CYP19A1: variants seen among roughly 807,000 people sequenced by gnomAD.
CYP19A1 encodes the protein aromatase.
A neutral mutation model predicts 44.4 loss-of-function variants in CYP19A1; 32 were observed. That is an observed-to-expected ratio of 0.72 (90% CI 0.54 to 0.97). CYP19A1 has a LOEUF of 0.97. Ranked by LOEUF, CYP19A1 falls within the 50% of genes least tolerant of loss-of-function variation. The probability of loss-of-function intolerance (pLI) is 0.00; values close to 1 mark genes in which losing one functional copy is unlikely to be tolerated. For missense variants in CYP19A1, 598 were observed against 637.8 expected, an observed-to-expected ratio of 0.94 and a Z score of 0.67; for synonymous variants, 212 against 215.6, an observed-to-expected ratio of 0.98 and a Z score of 0.14.
chr15:51,255,454 A>G (rs1330285695), intron 1 of CYP19A1: 1 of 152,226 alleles, frequency 6.6e-6, no homozygotes, highest in Non-Finnish European at 1.5e-5. Context: ...TAAAGTAATT[A>G]AAAGGAATCT....
chr15:51,309,156 T>G (rs1215962335), intron 1 of CYP19A1, among the ~76,000 whole-genome samples: 1 of 152,144 alleles, frequency 6.6e-6, no homozygotes, highest in Non-Finnish European at 1.5e-5. Flanking sequence ...GTCATGAGGG[T>G]GGAGCCCACA....
chr15:51,314,165 A>G lies in CYP19A1; in HGVS notation c.-39+24330T>C, dbSNP rs556325054. On this transcript the variant is annotated intron_variant, in intron 1 of 9. Transcript: ENST00000396402. ...CTAAGTCTTCCACGGCCTTGGATTC[A>G]TGTAGTCTCCCTGATGGGTTTGCTG... 3.3e-5 allele frequency: 5 copies of G among 152,100 alleles called. No individual in the cohort carries two copies. In the East Asian group the frequency reaches 7.9e-4, roughly 24 times the overall value. The allele number at this position is 152,100 out of a possible 1,614,324, so 9.4% of individuals were successfully genotyped here.
At chr15:51,244,550 T>C (rs1452165710) in intron 1 of CYP19A1, among the ~76,000 whole-genome samples, 2 of 152,204 alleles carry the variant, frequency 1.3e-5, no homozygotes, top group African/African-American at 4.8e-5. Context: ...TGACAAGCTA[T>C]TTTTAACAGG....
rs2036676804 is a variant in CYP19A1 at position 51,330,134 on chromosome 15, G to A, written c.-39+8361C>T. 2.0e-5 allele frequency among the ~76,000 whole-genome samples: 3 copies of A among 152,306 alleles called. No homozygotes were observed. In the South Asian group the frequency reaches 6.2e-4, roughly 32 times the overall value. On this transcript the variant is annotated intron_variant, in intron 1 of 9. Transcript: ENST00000396402. ...CGGAAGCTGGAAGAAGGAACGTGAG[G>A]CACAAGGGCGGAATGGTGAGAAACA... is the stretch of plus-strand genomic sequence containing the variant.
intron 1 of CYP19A1, among the ~76,000 whole-genome samples, chr15:51,267,300 C>G (rs2034956562): frequency 6.6e-6 from 1 of 152,154 alleles, no homozygotes; most frequent in Non-Finnish European, 1.5e-5. Flanking sequence ...GTGCCGCCCG[C>G]AGAATCTGCG....
chr15:51,260,754 A>T (rs2034684293), intron 1 of CYP19A1, among the ~76,000 whole-genome samples: 1 of 152,178 alleles, frequency 6.6e-6, no homozygotes, highest in Non-Finnish European at 1.5e-5. Context: ...TAAAAGCAGG[A>T]GGTAAAGAAA....
At chr15:51,288,743 C>T (rs2035769813) in intron 1 of CYP19A1, among the ~76,000 whole-genome samples, 1 of 152,212 alleles carries the variant, frequency 6.6e-6, no homozygotes, top group Non-Finnish European at 1.5e-5. Flanking sequence ...GTGATCTGGG[C>T]TCTGCCTTGC....
chr15:51,336,519 G>A lies in CYP19A1; in HGVS notation c.-39+1976C>T, dbSNP rs76323728. Among the ~76,000 whole-genome samples, 1,499 of 152,196 alleles carry A rather than the reference G, an allele frequency of 9.8e-3. 28 individuals carry two copies. Among genetic ancestry groups the A allele is most frequent in the African/African-American group, 0.035 (1,447 of 41,510 alleles). On this transcript the variant is annotated intron_variant, in intron 1 of 9. Transcript: ENST00000396402. ...TCCCTAATCACCAGTGTGGTGGAAG[G>A]GTGGTGGGGCAGTAAAACCATCAAA...
At chr15:51,335,266 G>A (rs180920812) in intron 1 of CYP19A1, among the ~76,000 whole-genome samples, 4 of 152,176 alleles carry the variant, frequency 2.6e-5, no homozygotes, top group Non-Finnish European at 4.4e-5. Flanking sequence ...ACAGCTCCAC[G>A]TCAAACAATG....
intron 1 of CYP19A1, among the ~76,000 whole-genome samples, chr15:51,332,628 A>T (rs1213493389): frequency 6.6e-6 from 1 of 152,092 alleles, no homozygotes; most frequent in African/African-American, 2.4e-5. Flanking sequence ...GTTTGGTTAG[A>T]TCTTAACACC....
At position 51,214,078 on chromosome 15, in the gene CYP19A1, G is replaced by A. The variant is rs569003606; in HGVS notation, c.1021+992C>T. 3.3e-5 allele frequency among the ~76,000 whole-genome samples: 5 copies of A among 152,274 alleles called. No individual in the cohort carries two copies. The East Asian group carries it at 9.6e-4, about 29-fold the overall frequency. ...TTTCCCTTACGTTTAACTATTTCAA[G>A]GAGCACTCCAATGGTTTGAAAAAGA... On this transcript the variant is annotated intron_variant, in intron 8 of 9. Transcript: ENST00000396402.
chr15:51,225,685 C>T (rs1291411954), intron 4 of CYP19A1, among the ~76,000 whole-genome samples: 1 of 152,142 alleles, frequency 6.6e-6, no homozygotes, highest in African/African-American at 2.4e-5. Context: ...CTAAATTTGT[C>T]TGGGTCATAA....
chr15:51,281,417 AG>A (rs2035512873), intron 1 of CYP19A1, among the ~76,000 whole-genome samples: 2 of 152,318 alleles, frequency 1.3e-5, no homozygotes, highest in African/African-American at 4.8e-5. Flanking sequence ...AAGCCCTTTC[AG>A]GGGCCATGTC....
At chr15:51,306,384 A>G (rs1270091852) in intron 1 of CYP19A1, among the ~76,000 whole-genome samples, 1 of 152,182 alleles carries the variant, frequency 6.6e-6, no homozygotes, top group African/African-American at 2.4e-5. Context: ...GAAGGGTGAC[A>G]GCAGTTTTTG....
At chr15:51,308,975 G>C (rs1469387540) in intron 1 of CYP19A1, among the ~76,000 whole-genome samples, 1 of 152,098 alleles carries the variant, frequency 6.6e-6, no homozygotes, top group African/African-American at 2.4e-5. Flanking sequence ...CAATCCTCTG[G>C]CATTACATCA....
At chr15:51,250,744 C>T (rs997097298) in intron 1 of CYP19A1, among the ~76,000 whole-genome samples, 2 of 152,158 alleles carry the variant, frequency 1.3e-5, no homozygotes, top group Non-Finnish European at 2.9e-5. Context: ...AGTCTGACCT[C>T]GCCTTATGGA....
chr15:51,212,414 T>C lies in CYP19A1; in HGVS notation c.1169A>G (p.Lys390Arg), dbSNP rs2141034037. 2 of 1,597,792 alleles carry C rather than the reference T, an allele frequency of 1.3e-6. No individual in the cohort carries two copies. Among genetic ancestry groups the C allele is most frequent in the Non-Finnish European group, 1.7e-6 (2 of 1,164,992 alleles). Residue 390 changes from lysine (K) to arginine (R), a missense_variant, in exon 9 of 10, where the codon AAG (lysine) becomes AGG (arginine). Transcript: ENST00000396402. Reference protein sequence around the residue: ...DDVIDGYPVKKGTNIILNIGR... With the variant: ...DDVIDGYPVKRGTNIILNIGR... ...AATATTCAGGATAATGTTTGTCCCC[T>C]TTTTCACTGGGTAGCCATCGATTAC...
chr15:51,267,781 G>C (rs943482684), intron 1 of CYP19A1, among the ~76,000 whole-genome samples: 6 of 152,206 alleles, frequency 3.9e-5, no homozygotes, highest in African/African-American at 7.2e-5. Flanking sequence ...CCTTCTGAGC[G>C]CGGGACCCTA....
At chr15:51,267,651 C>G (rs2034974691) in intron 1 of CYP19A1, among the ~76,000 whole-genome samples, 1 of 152,242 alleles carries the variant, frequency 6.6e-6, no homozygotes, top group East Asian at 1.9e-4. Context: ...GACAAGAGTC[C>G]AAGCTCTCAA....
Sources: gnomAD v4.1 joint callset for allele counts (sites outside exome capture counted in the v4.1 genomes callset) on GRCh38, gnomAD v4.1.1 for gene constraint, MANE v1.5 for transcripts, NCBI Gene and HGNC (gene_info 2026-07-23, HGNC 2026-07-21) for gene names.